Variants in KCNMA1 observed in about 807,000 individuals in gnomAD.
KCNMA1 encodes Calcium-activated potassium channel subunit alpha-1.
In KCNMA1, 29 loss-of-function variants were observed where a neutral mutation model predicts 140.0. The ratio of observed to expected loss-of-function variants is 0.21; its 90% CI spans 0.15 to 0.28. KCNMA1 has a LOEUF of 0.28. KCNMA1 is among the 10% of genes least tolerant of loss of function. The pLI is 1.00. For missense variants in KCNMA1, 880 were observed against 1,602.2 expected (o/e 0.55, Z 7.70); for synonymous variants, 612 against 611.9 (o/e 1.00, Z 0.00).
rs71649417 is a variant in KCNMA1 at position 76,916,017 on chromosome 10, AACACACACAC to A, written c.2903-978_2903-969del. On this transcript the variant is annotated intron_variant, in intron 23 of 27. Transcript: ENST00000286628. ...CCCTATGTGAGATTTTATACACATAAACACACACACACACACACACACACACACATACACA... is the reference window on the plus strand; with the variant it reads ...CCCTATGTGAGATTTTATACACATAAACACACACACACACACACATACACA... Among the ~76,000 whole-genome samples, 5 of 146,220 alleles carry A rather than the reference AACACACACAC, an allele frequency of 3.4e-5. No individual in the cohort carries two copies. In the East Asian group the frequency reaches 1.0e-3, roughly 29 times the overall value.
intron 1 of KCNMA1, among the ~76,000 whole-genome samples, chr10:77,542,856 T>G (rs1397556950): frequency 6.6e-6 from 1 of 152,182 alleles, no homozygotes; most frequent in Non-Finnish European, 1.5e-5. Flanking sequence ...ATCTTTAGAC[T>G]TCTCACTAAT....
chr10:77,184,019 A>G (rs926839366), intron 4 of KCNMA1, among the ~76,000 whole-genome samples: 3 of 151,912 alleles, frequency 2.0e-5, no homozygotes, highest in Non-Finnish European at 4.4e-5. Flanking sequence ...TATTAGACTC[A>G]TTCATGTAAA....
At chr10:77,124,650 A>T (rs1255806374) in intron 5 of KCNMA1, among the ~76,000 whole-genome samples, 2 of 152,210 alleles carry the variant, frequency 1.3e-5, no homozygotes, top group Non-Finnish European at 2.9e-5. Context: ...TGCTTATTTG[A>T]CTGCCTCATA....
chr10:77,524,536 A>G (rs2054825045), intron 1 of KCNMA1, among the ~76,000 whole-genome samples: 1 of 152,192 alleles, frequency 6.6e-6, no homozygotes, highest in Non-Finnish European at 1.5e-5. Context: ...GACACTCTCA[A>G]AAACATGCAG....
intron 4 of KCNMA1, among the ~76,000 whole-genome samples, chr10:77,184,140 C>T (rs1271344369): frequency 6.6e-6 from 1 of 151,976 alleles, no homozygotes; most frequent in Non-Finnish European, 1.5e-5. Context: ...ATACTCACAA[C>T]TGCTCTCTCA....
intron 2 of KCNMA1, among the ~76,000 whole-genome samples, chr10:77,402,668 T>A (rs1357804170): frequency 1.3e-5 from 2 of 152,216 alleles, no homozygotes; most frequent in Non-Finnish European, 2.9e-5. Context: ...AGAAGGATTC[T>A]GAGAAGTGAA....
intron 1 of KCNMA1, among the ~76,000 whole-genome samples, chr10:77,406,949 G>A (rs1012404398): frequency 3.9e-5 from 6 of 152,174 alleles, no homozygotes; most frequent in African/African-American, 1.4e-4. Context: ...AAAAGGCTGG[G>A]AGGCAGGGGG....
chr10:77,458,094 C>CA (rs2097789627), intron 1 of KCNMA1, among the ~76,000 whole-genome samples: 1 of 152,166 alleles, frequency 6.6e-6, no homozygotes, highest in Admixed American at 6.5e-5. Context: ...CCCGATTATA[C>CA]AAAGTGGGGC....
chr10:77,104,572 C>A (rs2097163702), intron 9 of KCNMA1, among the ~76,000 whole-genome samples: 1 of 152,208 alleles, frequency 6.6e-6, no homozygotes. Context: ...GTCCCAAACA[C>A]CTGGGCCTAG....
intron 2 of KCNMA1, among the ~76,000 whole-genome samples, chr10:77,356,978 C>T (rs1466578009): frequency 6.6e-6 from 1 of 152,120 alleles, no homozygotes; most frequent in East Asian, 1.9e-4. Context: ...TATTGAAAGC[C>T]AAAGGTAAGA....
chr10:77,264,620 A>G (rs774298117), intron 2 of KCNMA1, among the ~76,000 whole-genome samples: 3 of 152,196 alleles, frequency 2.0e-5, no homozygotes, highest in Non-Finnish European at 4.4e-5. Context: ...AAGAGCTTTG[A>G]CATAGTTATC....
chr10:77,154,178 TGAA>T (rs1188641452), intron 5 of KCNMA1, among the ~76,000 whole-genome samples: 1 of 152,152 alleles, frequency 6.6e-6, no homozygotes, highest in Non-Finnish European at 1.5e-5. Flanking sequence ...TGCCACCCTG[TGAA>T]GAAGGTGCCT....
intron 1 of KCNMA1, among the ~76,000 whole-genome samples, chr10:77,593,643 A>T (rs1420923723): frequency 6.6e-6 from 1 of 152,232 alleles, no homozygotes; most frequent in Non-Finnish European, 1.5e-5. Context: ...GTGGTAGGAA[A>T]AATGTTATTT....
chr10:77,233,087 C>T (rs1225320919), intron 3 of KCNMA1, among the ~76,000 whole-genome samples: 1 of 152,126 alleles, frequency 6.6e-6, no homozygotes. Context: ...GACAGAGTCT[C>T]ACTATGTTGC....
At chr10:77,073,015 T>A (rs779763389) in intron 14 of KCNMA1, 82 bp downstream of exon 14, 10 of 1,362,088 alleles carry the variant, frequency 7.3e-6, no homozygotes, top group Admixed American at 3.4e-5. Flanking sequence ...TCGATCTGTT[T>A]TGAGTTTAAG....
At chr10:77,067,233 T>A (rs1186768204) in intron 14 of KCNMA1, among the ~76,000 whole-genome samples, 1 of 152,178 alleles carries the variant, frequency 6.6e-6, no homozygotes, top group East Asian at 1.9e-4. Flanking sequence ...ACTGAAGGCC[T>A]GAATAGAATA....
intron 1 of KCNMA1, among the ~76,000 whole-genome samples, chr10:77,480,731 C>A (rs761632314): frequency 6.6e-6 from 1 of 152,052 alleles, no homozygotes; most frequent in Non-Finnish European, 1.5e-5. Flanking sequence ...TTCCCCCTCC[C>A]GGCAAAGCCC....
intron 1 of KCNMA1, among the ~76,000 whole-genome samples, chr10:77,532,270 G>A (rs1375787919): frequency 6.6e-6 from 1 of 152,192 alleles, no homozygotes; most frequent in Non-Finnish European, 1.5e-5. Context: ...AAGCAGGCGT[G>A]TGCTAACACG....
At chr10:77,077,915 C>G (rs2096447663) in intron 13 of KCNMA1, 1 of 152,216 alleles carries the variant, frequency 6.6e-6, no homozygotes. Flanking sequence ...ACCACCAAAT[C>G]CGTTGGCTGG....
Sources: gnomAD v4.1 joint callset for allele counts (sites outside exome capture counted in the v4.1 genomes callset) on GRCh38, gnomAD v4.1.1 for gene constraint, MANE v1.5 for transcripts, NCBI Gene and HGNC (gene_info 2026-07-23, HGNC 2026-07-21) for gene names.